Variants in TMEM108 observed in about 807,000 individuals in gnomAD.
TMEM108 encodes the protein cancer/testis antigen 124.
In TMEM108, 12 loss-of-function variants were observed where a neutral mutation model predicts 35.1. The observed-to-expected ratio is 0.34, with a 90% confidence interval of 0.22 to 0.55. The LOEUF (loss-of-function observed/expected upper bound fraction) is 0.55, where lower values mean the gene tolerates loss of function less well. Ranked by LOEUF, TMEM108 falls within the 20% of genes least tolerant of loss-of-function variation. The pLI, the probability that TMEM108 is intolerant of heterozygous loss-of-function variation, is 0.89. For synonymous variants in TMEM108, 287 were observed against 308.6 expected (o/e 0.93, Z 0.73); for missense variants, 680 against 753.3 (o/e 0.90, Z 1.14).
In TMEM108 at chr3:133,130,575, A is replaced by T. The variant is rs143874007; in HGVS notation, c.-47+84555A>T. 2.6e-3 allele frequency among the ~76,000 whole-genome samples: 394 copies of T among 152,240 alleles called. 5 individuals carry two copies. The highest frequency in any genetic ancestry group is 8.4e-3 in the African/African-American group (350 of 41,544). ...TGACCCAAGAGAAAAAAAAGCAGGA[A>T]CCTTTCATGATCTACCTTAGGAAAT... On this transcript the variant is annotated intron_variant, in intron 2 of 5. Coordinates refer to ENST00000321871, the MANE Select transcript of TMEM108 (RefSeq NM_023943.4).
chr3:133,072,013 C>G (rs4487238), intron 2 of TMEM108, among the ~76,000 whole-genome samples: 97,585 of 152,080 alleles, frequency 0.64, 32,055 homozygotes, highest in African/African-American at 0.79. Flanking sequence ...GTAAGACAAG[C>G]GTCCAACTTC....
In TMEM108 at chr3:133,380,945, G is replaced by A. The variant is rs370384854; in HGVS notation, c.1234G>A (p.Asp412Asn). 1.7e-4 allele frequency: 268 copies of A among 1,614,104 alleles called. 3 individuals are homozygous for A. The South Asian group carries it at 2.6e-3, about 16-fold the overall frequency. The change falls in exon 4 of 6, where the codon GAC (aspartate) becomes AAC (asparagine). Residue 412 changes from aspartate (D) to asparagine (N), a missense_variant. This residue lies in a region of TMEM108 where 526 missense variants were observed against 532.1 expected (regional missense o/e 0.99). Transcript: ENST00000321871. The surrounding 1 kb of genome is among the most constrained non-coding windows in gnomAD (Gnocchi z 5.3). ...EETVATLTMT[D>N]RVPSPLSTVV... ...GACTGTGGCCACCCTCACCATGACC[G>A]ACCGGGTGCCCAGTCCTCTCTCCAC...
chr3:133,239,222 T>C (rs984833653), intron 3 of TMEM108, among the ~76,000 whole-genome samples: 1 of 152,210 alleles, frequency 6.6e-6, no homozygotes, highest in Admixed American at 6.5e-5. Context: ...TTTAGTGGCG[T>C]AGACCAGTTC....
At chr3:133,363,699 C>A (rs2072423788) in intron 3 of TMEM108, among the ~76,000 whole-genome samples, 1 of 152,106 alleles carries the variant, frequency 6.6e-6, no homozygotes, top group Non-Finnish European at 1.5e-5. Context: ...AGCAACTGCT[C>A]CCGGCCTGTT....
chr3:133,217,152 T>TTGTA (rs1945921088), intron 2 of TMEM108, among the ~76,000 whole-genome samples: 2 of 152,116 alleles, frequency 1.3e-5, no homozygotes, highest in African/African-American at 2.4e-5. Context: ...TCATTGTGGT[T>TTGTA]TTGATTTGTA....
intron 2 of TMEM108, among the ~76,000 whole-genome samples, chr3:133,116,555 A>G (rs933206652): frequency 1.2e-4 from 18 of 152,172 alleles, no homozygotes; most frequent in Non-Finnish European, 2.1e-4. Context: ...TACCCTGGCT[A>G]TGAAGATGGA....
intron 3 of TMEM108, among the ~76,000 whole-genome samples, chr3:133,363,076 G>A (rs1292459569): frequency 2.0e-5 from 3 of 152,140 alleles, no homozygotes; most frequent in East Asian, 3.9e-4. Context: ...TACTACATGC[G>A]TGGACCATTT....
intron 4 of TMEM108, among the ~76,000 whole-genome samples, chr3:133,384,856 T>G (rs931372095): frequency 6.6e-6 from 1 of 152,202 alleles, no homozygotes; most frequent in African/African-American, 2.4e-5. Context: ...ATGGGGCTGT[T>G]TGGAGGGTGA....
At chr3:133,105,345 G>A (rs893288795) in intron 2 of TMEM108, among the ~76,000 whole-genome samples, 5 of 152,112 alleles carry the variant, frequency 3.3e-5, no homozygotes, top group Non-Finnish European at 7.4e-5. Flanking sequence ...AGCTAGCAAT[G>A]GTGGGTTGAG....
At chr3:133,328,655 T>C (rs1276925103) in intron 3 of TMEM108, among the ~76,000 whole-genome samples, 1 of 152,166 alleles carries the variant, frequency 6.6e-6, no homozygotes, top group Admixed American at 6.5e-5. Flanking sequence ...GAGGTGGATT[T>C]TCCTAACCTC....
chr3:133,140,473 C>G (rs1944626291), intron 2 of TMEM108, among the ~76,000 whole-genome samples: 1 of 152,062 alleles, frequency 6.6e-6, no homozygotes, highest in Admixed American at 6.6e-5. Context: ...AGAATTGTGT[C>G]CTGTGAATTT....
At chr3:133,233,972 T>G (rs951581824) in intron 3 of TMEM108, among the ~76,000 whole-genome samples, 3 of 151,266 alleles carry the variant, frequency 2.0e-5, no homozygotes, top group Admixed American at 1.3e-4. Context: ...TGTGAAAATT[T>G]TCTCCCATTT....
Position 133,158,513 on chromosome 3 carries a change from G to A in TMEM108, c.-46-70753G>A, listed in dbSNP as rs144219381. Among the ~76,000 whole-genome samples, 1,084 of 148,936 alleles carry A rather than the reference G, an allele frequency of 7.3e-3. 14 individuals carry two copies. Among genetic ancestry groups the A allele is most frequent in the African/African-American group, 0.017 (701 of 40,534 alleles). On this transcript the variant is annotated intron_variant, in intron 2 of 5. Coordinates refer to ENST00000321871, the MANE Select transcript of TMEM108 (RefSeq NM_023943.4). The stretch of plus-strand genomic sequence containing the variant: ...AAGAAAAGAAAGAAATTGTTGTGAC[G>A]TAGGTCGACTTAAGGAAGCAAACCT...
intron 2 of TMEM108, among the ~76,000 whole-genome samples, chr3:133,087,164 G>A (rs1259345301): frequency 6.6e-6 from 1 of 152,130 alleles, no homozygotes; most frequent in African/African-American, 2.4e-5. Flanking sequence ...CTCCTCCCTT[G>A]TCATGTCCTC....
intron 2 of TMEM108, among the ~76,000 whole-genome samples, chr3:133,206,784 G>T (rs1438393713): frequency 6.6e-5 from 10 of 152,322 alleles, no homozygotes; most frequent in African/African-American, 2.4e-4. Context: ...AAGTGTCAGG[G>T]ACCCATTTGA....
At chr3:133,381,882 G>A (rs538612246) in intron 4 of TMEM108, among the ~76,000 whole-genome samples, 57 of 151,838 alleles carry the variant, frequency 3.8e-4, no homozygotes, top group South Asian at 1.0e-3. Flanking sequence ...TTATTTGTTC[G>A]TAGGTGATGT....
At chr3:133,377,803 ACCGGAGCATCACCG>A (rs1360418979) in intron 3 of TMEM108, among the ~76,000 whole-genome samples, 2 of 24,078 alleles carry the variant, frequency 8.3e-5, no homozygotes, top group Non-Finnish European at 1.0e-4. Flanking sequence ...CAGCATCACC[ACCGGAGCATCACCG>A]CCAGAGCGTT....
intron 2 of TMEM108, among the ~76,000 whole-genome samples, chr3:133,186,802 A>T (rs1387118714): frequency 6.6e-6 from 1 of 152,194 alleles, no homozygotes. Context: ...TAAATATCAT[A>T]TTGCTTCCAG....
intron 2 of TMEM108, among the ~76,000 whole-genome samples, chr3:133,115,716 G>A (rs1228095269): frequency 3.3e-5 from 5 of 152,220 alleles, no homozygotes; most frequent in African/African-American, 4.8e-5. Context: ...CAGATTTGTT[G>A]TGATAATCTT....
Sources: gnomAD v4.1 joint callset for allele counts (sites outside exome capture counted in the v4.1 genomes callset) on GRCh38, gnomAD v4.1.1 for gene constraint, gnomAD v4.1.1 regional missense constraint, Gnocchi (gnomAD v3.1) non-coding constraint, MANE v1.5 for transcripts, NCBI Gene and HGNC (gene_info 2026-07-23, HGNC 2026-07-21) for gene names.